Variants in CYP3A7 observed in about 807,000 individuals in gnomAD.
CYP3A7 encodes cytochrome P450 family 3 subfamily A member 7.
CYP3A7 carries 45 observed loss-of-function variants against 55.2 expected under a neutral mutation model. That is an observed-to-expected ratio of 0.82 (90% CI 0.64 to 1.05). CYP3A7 has a LOEUF of 1.05. CYP3A7 is among the 50% of genes least tolerant of loss of function. CYP3A7 has a pLI of 0.00. For synonymous variants in CYP3A7, 180 were observed against 207.4 expected (o/e 0.87, Z 1.13); for missense variants, 548 against 605.3 (o/e 0.91, Z 0.99).
intron 2 of CYP3A7, among the ~76,000 whole-genome samples, chr7:99,729,187 G>A (rs1814529896): frequency 6.6e-6 from 1 of 151,802 alleles, no homozygotes; most frequent in African/African-American, 2.4e-5. Context: ...CTGTTATTCG[G>A]GACTTGTGTC....
chr7:99,714,925 T>C (rs1190929535), intron 7 of CYP3A7, among the ~76,000 whole-genome samples: 1 of 152,174 alleles, frequency 6.6e-6, no homozygotes, highest in African/African-American at 2.4e-5. Context: ...TTTTGAATGA[T>C]GAAAGGAACA....
intron 12 of CYP3A7, among the ~76,000 whole-genome samples, chr7:99,706,312 C>T (rs1813522144): frequency 6.6e-6 from 1 of 152,162 alleles, no homozygotes; most frequent in Non-Finnish European, 1.5e-5. Flanking sequence ...CCAGAAGTGC[C>T]AGCTTGGGAC....
intron 1 of CYP3A7, among the ~76,000 whole-genome samples, chr7:99,733,205 G>T (rs750371691): frequency 1.3e-5 from 2 of 152,090 alleles, no homozygotes; most frequent in Non-Finnish European, 2.9e-5. Context: ...AAAATCAATG[G>T]CACTAATCTC....
intron 4 of CYP3A7, among the ~76,000 whole-genome samples, chr7:99,719,630 TAAA>T (rs747208930): frequency 2.0e-5 from 3 of 151,850 alleles, no homozygotes; most frequent in Non-Finnish European, 4.4e-5. Context: ...CTCCTCAAAA[TAAA>T]AAAAGTTTTC....
At chr7:99,719,927 G>C (rs1370853395) in intron 4 of CYP3A7, among the ~76,000 whole-genome samples, 1 of 152,148 alleles carries the variant, frequency 6.6e-6, no homozygotes, top group African/African-American at 2.4e-5. Flanking sequence ...AACCCTGGAG[G>C]TGGAGGTTGC....
chr7:99,731,613 G>GGGTC (rs1814625298), intron 1 of CYP3A7, among the ~76,000 whole-genome samples: 1 of 152,140 alleles, frequency 6.6e-6, no homozygotes, highest in Admixed American at 6.5e-5. Flanking sequence ...CAGTCACAGG[G>GGGTC]GGTCACTGAG....
At chr7:99,724,316 A>C (rs550226349) in intron 2 of CYP3A7, among the ~76,000 whole-genome samples, 5 of 152,262 alleles carry the variant, frequency 3.3e-5, no homozygotes, top group Admixed American at 1.3e-4. Flanking sequence ...ATAGCCAGAA[A>C]ATGACACTTT....
chr7:99,724,985 C>T (rs1814352957), intron 2 of CYP3A7, among the ~76,000 whole-genome samples: 1 of 152,160 alleles, frequency 6.6e-6, no homozygotes, highest in East Asian at 1.9e-4. Flanking sequence ...GTGCCATGAG[C>T]CAGACCTTCA....
chr7:99,726,506 T>G (rs1218915495), intron 2 of CYP3A7, among the ~76,000 whole-genome samples: 3 of 152,144 alleles, frequency 2.0e-5, no homozygotes, highest in Non-Finnish European at 4.4e-5. Flanking sequence ...ACTATTCCAT[T>G]CTTGATCTTA....
intron 11 of CYP3A7, 53 bp downstream of exon 11, chr7:99,708,982 T>C: frequency 6.3e-7 from 1 of 1,594,850 alleles, no homozygotes; most frequent in East Asian, 2.2e-5. Flanking sequence ...AGAGGCAGAA[T>C]ATGCTTGAAC....
intron 2 of CYP3A7, among the ~76,000 whole-genome samples, chr7:99,727,576 C>T (rs912971636): frequency 1.3e-5 from 2 of 152,030 alleles, no homozygotes; most frequent in Non-Finnish European, 2.9e-5. Context: ...ACTCTATTTC[C>T]CCATATTTCC....
At position 99,709,678 on chromosome 7, in the gene CYP3A7, G is replaced by A. The variant is rs757187350; in HGVS notation, c.1027-417C>T. Reference sequence around the variant, plus strand: ...AACAGATAGAAAAAGCAAATTCTCTGTGCGACAAGGATTATTGGCCAAACT... The same window carrying A: ...AACAGATAGAAAAAGCAAATTCTCTATGCGACAAGGATTATTGGCCAAACT... On this transcript the variant is annotated intron_variant, in intron 10 of 12. Transcript: ENST00000336374. Among the ~76,000 whole-genome samples the A allele has an allele frequency of 2.6e-5, 4 of 152,238 alleles. 1 individual carries two copies. Among genetic ancestry groups the A allele is most frequent in the South Asian group, 4.1e-4 (2 of 4,828 alleles).
At chr7:99,717,809 A>G (rs1243260483) in intron 4 of CYP3A7, among the ~76,000 whole-genome samples, 170 bp from the exon 5 acceptor site, 3 of 152,190 alleles carry the variant, frequency 2.0e-5, no homozygotes, top group African/African-American at 7.2e-5. Context: ...ATGCCCAGCC[A>G]CCTGATGTGG....
At chr7:99,720,180 G>T in intron 4 of CYP3A7, 133 bp downstream of exon 4, 3 of 1,067,756 alleles carry the variant, frequency 2.8e-6, no homozygotes, top group Non-Finnish European at 4.2e-6. Flanking sequence ...TTACCATGGG[G>T]GATGGGCAGG....
intron 9 of CYP3A7, among the ~76,000 whole-genome samples, chr7:99,712,036 T>C (rs1318679449): frequency 6.6e-6 from 1 of 152,160 alleles, no homozygotes; most frequent in Non-Finnish European, 1.5e-5. Flanking sequence ...GTCTGATGAA[T>C]GGCATTAAAA....
At chr7:99,722,076 C>A (rs1294388547) in intron 3 of CYP3A7, among the ~76,000 whole-genome samples, 2 of 152,188 alleles carry the variant, frequency 1.3e-5, no homozygotes, top group African/African-American at 4.8e-5. Context: ...TCTTCCTTTA[C>A]CTCCCTGAAT....
chr7:99,722,451 C>G, intron 2 of CYP3A7, 103 bp from the exon 3 acceptor site: 1 of 1,428,196 alleles, frequency 7.0e-7, no homozygotes, highest in Non-Finnish European at 9.6e-7. Flanking sequence ...ATTAGACTTG[C>G]TGGCAGTTAG....
In CYP3A7 at chr7:99,712,435, A is replaced by C. The variant is rs900009449; in HGVS notation, c.865+1034T>G. The stretch of plus-strand genomic sequence containing the variant: ...TTGACATGTGGCTATTTAAAATCAA[A>C]TTTTATTCAATTAAACTTAAATACA... On this transcript the variant is annotated intron_variant, in intron 9 of 12. Transcript: ENST00000336374. Among the ~76,000 whole-genome samples the C allele has an allele frequency of 7.9e-5, 12 of 152,314 alleles. No homozygotes were observed. In the South Asian group the frequency reaches 2.5e-3, roughly 32 times the overall value.
At chr7:99,713,567 A>C in intron 8 of CYP3A7, 32 bp from the exon 9 acceptor site, 1 of 1,612,876 alleles carries the variant, frequency 6.2e-7, no homozygotes, top group Non-Finnish European at 8.5e-7. Flanking sequence ...TTATTGACAG[A>C]AAGTGACTCG....
Sources: allele counts gnomAD v4.1 joint callset (sites outside exome capture counted in the v4.1 genomes callset), GRCh38; gene constraint gnomAD v4.1.1; transcripts MANE v1.5; gene names NCBI Gene and HGNC (gene_info 2026-07-23, HGNC 2026-07-21).